Variants in CARMIL1 observed in about 807,000 individuals in gnomAD.
CARMIL1 encodes the protein F-actin-uncapping protein LRRC16A.
CARMIL1 carries 90 observed loss-of-function variants against 177.1 expected under a neutral mutation model. That is an observed-to-expected ratio of 0.51 (90% CI 0.43 to 0.61). The LOEUF (loss-of-function observed/expected upper bound fraction) is 0.61, where lower values mean the gene tolerates loss of function less well. Ranked by LOEUF, CARMIL1 falls within the 20% of genes least tolerant of loss-of-function variation. The probability of loss-of-function intolerance (pLI) is 0.00; values close to 1 mark genes in which losing one functional copy is unlikely to be tolerated. For missense variants in CARMIL1, 1,380 were observed against 1,667.0 expected (o/e 0.83, Z 3.00); for synonymous variants, 577 against 606.2 (o/e 0.95, Z 0.71).
chr6:25,279,414 T>G lies in CARMIL1; in HGVS notation c.-382T>G. On this transcript the variant is annotated 5_prime_UTR_variant, in exon 1 of 37. Coordinates refer to ENST00000329474, the MANE Select transcript of CARMIL1 (RefSeq NM_017640.6). ...TTCCGCTTTCACCTAGGGCTGTAGGTGCGGCGCGGAGGCTGGGCGGGAGCT... is the reference window on the plus strand; with the variant it reads ...TTCCGCTTTCACCTAGGGCTGTAGGGGCGGCGCGGAGGCTGGGCGGGAGCT... 5.9e-6 allele frequency: 2 copies of G among 337,990 alleles called. No homozygotes were observed. The highest frequency in any genetic ancestry group is 1.1e-5 in the Non-Finnish European group (2 of 182,286). The allele number at this position is 337,990 out of a possible 1,614,324, so 20.9% of individuals were successfully genotyped here. A position where few individuals can be genotyped will look rare whatever the true frequency, so the allele number is the denominator to read the frequency against.
rs527360458 is a variant in CARMIL1 at position 25,326,285 on chromosome 6, G to A, written c.138+41376G>A. The stretch of plus-strand genomic sequence containing the variant: ...GGCAGATTCAATATATTGTGCAAAG[G>A]CCCTGAGGAAGTGTGTGGTTTTAGT... On this transcript the variant is annotated intron_variant, in intron 2 of 36. Coordinates refer to ENST00000329474, the MANE Select transcript of CARMIL1 (RefSeq NM_017640.6). This position sits in a 1 kb window ranked among gnomAD's most constrained non-coding sequence, Gnocchi z 4.2. Among the ~76,000 whole-genome samples, 1 of 152,188 alleles carries A rather than the reference G, an allele frequency of 6.6e-6. No homozygotes were observed. Among genetic ancestry groups the A allele is most frequent in the Non-Finnish European group, 1.5e-5 (1 of 68,038 alleles).
chr6:25,357,808 G>A (rs1788785989), intron 2 of CARMIL1, among the ~76,000 whole-genome samples: 1 of 152,172 alleles, frequency 6.6e-6, no homozygotes, highest in South Asian at 2.1e-4. Context: ...GCTCAATGAA[G>A]TTAGCACACC....
At chr6:25,619,384 T>G in intron 36 of CARMIL1, 63 bp from the exon 37 acceptor site, 33 of 1,505,034 alleles carry the variant, frequency 2.2e-5, no homozygotes, top group Middle Eastern at 1.8e-4. Context: ...TCTCAGCCCA[T>G]TATCAGTCAG....
intron 2 of CARMIL1, among the ~76,000 whole-genome samples, chr6:25,357,973 C>T (rs1197120292): frequency 2.6e-5 from 4 of 152,182 alleles, no homozygotes; most frequent in African/African-American, 7.2e-5. Flanking sequence ...TATAACTGAG[C>T]TGGCTGTGAG....
At chr6:25,378,399 T>A (rs1445418885) in intron 2 of CARMIL1, among the ~76,000 whole-genome samples, 2 of 152,194 alleles carry the variant, frequency 1.3e-5, no homozygotes, top group Non-Finnish European at 2.9e-5. Context: ...GCAGCACACT[T>A]CCCACTTGCC....
chr6:25,341,298 T>C (rs1036220641), intron 2 of CARMIL1, among the ~76,000 whole-genome samples: 2 of 152,076 alleles, frequency 1.3e-5, no homozygotes, highest in Admixed American at 6.6e-5. Flanking sequence ...TAAAAAAAAG[T>C]AGTTGAAAGA....
chr6:25,452,221 G>C (rs1054608372), intron 8 of CARMIL1: 1 of 764,126 alleles, frequency 1.3e-6, no homozygotes, highest in Non-Finnish European at 2.4e-6. Flanking sequence ...CCAGTTCTCA[G>C]GCAATTTTTT....
chr6:25,459,262 CTTTCTTTT>C (rs1292467795), intron 8 of CARMIL1, among the ~76,000 whole-genome samples: 3 of 101,456 alleles, frequency 3.0e-5, no homozygotes, highest in African/African-American at 8.9e-5. Context: ...TTCTTTCTTT[CTTTCTTTT>C]TTTTTTTTTT....
intron 17 of CARMIL1, among the ~76,000 whole-genome samples, chr6:25,507,956 A>C (rs1355472855): frequency 6.6e-6 from 1 of 152,188 alleles, no homozygotes; most frequent in Admixed American, 6.5e-5. Context: ...ATCTATCATA[A>C]ACCAATACAT....
chr6:25,542,081 G>A (rs1808972000), intron 26 of CARMIL1, among the ~76,000 whole-genome samples: 1 of 152,184 alleles, frequency 6.6e-6, no homozygotes, highest in Non-Finnish European at 1.5e-5. Flanking sequence ...TTTCATTAAA[G>A]TATTTGTAAG....
At chr6:25,322,630 T>G (rs1405417510) in intron 2 of CARMIL1, among the ~76,000 whole-genome samples, 7 of 152,304 alleles carry the variant, frequency 4.6e-5, no homozygotes, top group African/African-American at 1.7e-4. Flanking sequence ...TATGACCACC[T>G]GAAAAATGCT....
chr6:25,584,941 C>T (rs1368806895), intron 31 of CARMIL1, among the ~76,000 whole-genome samples: 1 of 152,178 alleles, frequency 6.6e-6, no homozygotes, highest in African/African-American at 2.4e-5. Context: ...ACAATGAAGC[C>T]AGGACTCACA....
intron 24 of CARMIL1, among the ~76,000 whole-genome samples, chr6:25,536,498 C>G (rs1808317697): frequency 6.6e-6 from 1 of 152,124 alleles, no homozygotes; most frequent in African/African-American, 2.4e-5. Flanking sequence ...ATATATTTTA[C>G]AGCAATAGGA....
chr6:25,394,914 T>C (rs1437116181), intron 2 of CARMIL1, among the ~76,000 whole-genome samples: 1 of 152,192 alleles, frequency 6.6e-6, no homozygotes, highest in Admixed American at 6.5e-5. Flanking sequence ...GAAAAATAAT[T>C]TGGGGAGAAA....
rs147709692 is a variant in CARMIL1 at position 25,494,483 on chromosome 6, A to T, written c.1221-628A>T. On this transcript the variant is annotated intron_variant, in intron 15 of 36. Coordinates refer to ENST00000329474, the MANE Select transcript of CARMIL1 (RefSeq NM_017640.6). ...TTGAGCTGTATGATTTGATCCACATACTTTTCTCTGTAATAGCAAGGGGAT... is the reference window on the plus strand; with the variant it reads ...TTGAGCTGTATGATTTGATCCACATTCTTTTCTCTGTAATAGCAAGGGGAT... Among the ~76,000 whole-genome samples the T allele has an allele frequency of 1.6e-4, 24 of 152,226 alleles. No homozygotes were observed. In the East Asian group the frequency reaches 3.9e-3, roughly 24 times the overall value.
intron 2 of CARMIL1, among the ~76,000 whole-genome samples, chr6:25,327,574 G>A (rs1295139227): frequency 6.6e-6 from 1 of 152,138 alleles, no homozygotes; most frequent in African/African-American, 2.4e-5. Flanking sequence ...ACTATTTGCT[G>A]TGCACAAACA....
chr6:25,492,968 A>G (rs1159038360), intron 15 of CARMIL1, among the ~76,000 whole-genome samples: 1 of 152,186 alleles, frequency 6.6e-6, no homozygotes, highest in African/African-American at 2.4e-5. Context: ...TGAAAATATA[A>G]TGGTGGGAAA....
rs1434001822 is a variant in CARMIL1 at position 25,581,412 on chromosome 6, TAAG to T, written c.2983_2985del (p.Lys995del). 1 of 1,612,380 alleles carries T rather than the reference TAAG, an allele frequency of 6.2e-7. No individual in the cohort carries two copies. Among genetic ancestry groups the T allele is most frequent in the East Asian group, 2.2e-5 (1 of 44,812 alleles). ...TTACCAAGTTAAGGCCAAAAAGGAA[TAAG>T]AAGCAGCAACCCACCCAAGCAGCGG... On this transcript the variant is annotated inframe_deletion, in exon 31 of 37. Coordinates refer to ENST00000329474, the MANE Select transcript of CARMIL1 (RefSeq NM_017640.6).
intron 4 of CARMIL1, chr6:25,433,277 G>A (rs907231568): frequency 2.6e-5 from 4 of 152,152 alleles, no homozygotes; most frequent in Non-Finnish European, 5.9e-5. Flanking sequence ...ATTAGAATAA[G>A]CTAATTACTA....
Sources: allele counts gnomAD v4.1 joint callset (sites outside exome capture counted in the v4.1 genomes callset), GRCh38; gene constraint gnomAD v4.1.1; non-coding constraint Gnocchi (gnomAD v3.1); transcripts MANE v1.5; gene names NCBI Gene and HGNC (gene_info 2026-07-23, HGNC 2026-07-21).